Variants in PDE1C observed in about 807,000 individuals in gnomAD.
PDE1C encodes the protein phosphodiesterase 1C, also known as dual specificity calcium/calmodulin-dependent 3',5'-cyclic nucleotide phosphodiesterase 1C.
In PDE1C, 62 loss-of-function variants were observed where a neutral mutation model predicts 93.1. The observed-to-expected ratio is 0.67, with a 90% CI of 0.54 to 0.82. PDE1C has a LOEUF of 0.82. Ranked by LOEUF, PDE1C falls within the 40% of genes least tolerant of loss-of-function variation. The pLI is 0.00. For synonymous variants in PDE1C, 325 were observed against 310.1 expected, an observed-to-expected ratio of 1.05 and a Z score of -0.50; for missense variants, 742 against 884.6, an observed-to-expected ratio of 0.84 and a Z score of 2.04.
intron 17 of PDE1C, among the ~76,000 whole-genome samples, chr7:31,771,339 C>T (rs1795475239): frequency 6.6e-6 from 1 of 152,188 alleles, no homozygotes; most frequent in African/African-American, 2.4e-5. Context: ...TTCCTAGAAG[C>T]AATATACCAG....
chr7:32,069,465 T>C (rs1414772336), intron 1 of PDE1C, among the ~76,000 whole-genome samples: 1 of 152,082 alleles, frequency 6.6e-6, no homozygotes, highest in Non-Finnish European at 1.5e-5. Flanking sequence ...GAAGGTGTCT[T>C]TGGGACCTGC....
rs1223937478 is a variant in PDE1C at position 31,880,833 on chromosome 7, C to A, written c.156G>T (p.Glu52Asp). ...GATCTACCACTGAAGCTTCCCCTCT[C>A]TCTAATTGTTTGACCAAAGACCGTA... The part of the protein sequence containing the change: ...QRLRSLVKQL[E>D]RGEASVVDLK... Residue 52 changes from glutamate to aspartate, a missense_variant, in exon 3 of 18, where the codon GAG becomes GAT. Glu to Asp is a conservative substitution (Grantham distance 45, BLOSUM62 2). Coordinates refer to ENST00000396191, the MANE Select transcript of PDE1C (RefSeq NM_001191057.4). The A allele has an allele frequency of 6.2e-7, 1 of 1,610,654 alleles. No individual in the cohort carries two copies.
intron 3 of PDE1C, among the ~76,000 whole-genome samples, chr7:32,155,481 G>C (rs924015078): frequency 6.6e-6 from 1 of 152,190 alleles, no homozygotes; most frequent in Admixed American, 6.5e-5. Context: ...AAAGGAAAGA[G>C]AGAAACCACC....
At chr7:31,651,918 T>C in the PDE1C span, 1 of 1,542,068 alleles carries the variant, frequency 6.5e-7, no homozygotes, top group Non-Finnish European at 8.8e-7. Context: ...AATTTGGTTA[T>C]TTTCTATTAT....
chr7:32,240,765 G>A (rs1393837693), intron 1 of PDE1C, among the ~76,000 whole-genome samples: 1 of 152,186 alleles, frequency 6.6e-6, no homozygotes, highest in African/African-American at 2.4e-5. Flanking sequence ...TGTTTTTAAA[G>A]GGTCATTCTG....
intron 2 of PDE1C, among the ~76,000 whole-genome samples, chr7:31,922,372 C>T (rs1241079458): frequency 2.6e-5 from 4 of 152,176 alleles, no homozygotes; most frequent in African/African-American, 9.7e-5. Flanking sequence ...GTCTTTTCCC[C>T]ATCATTTGCA....
the PDE1C span, among the ~76,000 whole-genome samples, chr7:31,681,395 G>GT: frequency 1.3e-5 from 2 of 150,048 alleles, no homozygotes; most frequent in Non-Finnish European, 3.0e-5. Context: ...ATGGATGGAT[G>GT]GATGGATGGA....
the PDE1C span, among the ~76,000 whole-genome samples, chr7:31,665,081 C>A: frequency 6.6e-6 from 1 of 152,170 alleles, no homozygotes; most frequent in Non-Finnish European, 1.5e-5. Context: ...CTTCCTCCTT[C>A]CTCTCTCACT....
At chr7:32,218,145 C>G (rs73304690) in intron 1 of PDE1C, among the ~76,000 whole-genome samples, 2 of 152,162 alleles carry the variant, frequency 1.3e-5, no homozygotes, top group Non-Finnish European at 2.9e-5. Flanking sequence ...CTGCTCCTTA[C>G]GGGAACAGAT....
At chr7:31,663,546 T>C in the PDE1C span, among the ~76,000 whole-genome samples, 1 of 152,238 alleles carries the variant, frequency 6.6e-6, no homozygotes, top group Non-Finnish European at 1.5e-5. Context: ...GCAGGAACTT[T>C]TTTCCATAGT....
intron 2 of PDE1C, among the ~76,000 whole-genome samples, chr7:31,894,797 T>A (rs1239995056): frequency 6.6e-6 from 1 of 152,020 alleles, no homozygotes; most frequent in Non-Finnish European, 1.5e-5. Context: ...ATTTCCCCCA[T>A]ACCCCCTGCC....
chr7:31,957,125 AC>A (rs1808255461), intron 2 of PDE1C, among the ~76,000 whole-genome samples: 1 of 151,096 alleles, frequency 6.6e-6, no homozygotes, highest in African/African-American at 2.4e-5. Context: ...TGGTATTCAA[AC>A]AGAAATTTAA....
chr7:32,285,530 G>A (rs2128894479), intron 1 of PDE1C, among the ~76,000 whole-genome samples: 1 of 152,120 alleles, frequency 6.6e-6, no homozygotes, highest in Admixed American at 6.5e-5. Flanking sequence ...ATAGAATGAA[G>A]TACTTATACA....
At chr7:32,017,915 CA>C (rs56955008) in intron 2 of PDE1C, among the ~76,000 whole-genome samples, 103,261 of 151,310 alleles carry the variant, frequency 0.68, 35,654 homozygotes, top group Middle Eastern at 0.77. Context: ...CCTGTCTCTA[CA>C]AAAAATAAGA....
intron 17 of PDE1C, among the ~76,000 whole-genome samples, chr7:31,774,908 A>G (rs1795728373): frequency 6.6e-6 from 1 of 152,160 alleles, no homozygotes; most frequent in Non-Finnish European, 1.5e-5. Flanking sequence ...ATTTTCTTCA[A>G]TGACGGTATT....
chr7:31,706,130 G>A, the PDE1C span, among the ~76,000 whole-genome samples: 2 of 148,436 alleles, frequency 1.3e-5, no homozygotes, highest in Non-Finnish European at 3.0e-5. Context: ...TCAGCCTCCC[G>A]AGTAGTCAGG....
rs1218089946 is a variant in PDE1C at position 31,950,375 on chromosome 7, C to T, written c.129-69515G>A. Among the ~76,000 whole-genome samples, 7 of 152,166 alleles carry T rather than the reference C, an allele frequency of 4.6e-5. No homozygotes were observed. In the East Asian group the frequency reaches 1.2e-3, roughly 25 times the overall value. On this transcript the variant is annotated intron_variant, in intron 2 of 17. Coordinates refer to ENST00000396191, the MANE Select transcript of PDE1C (RefSeq NM_001191057.4). ...CTCTTACAGCCCACCCCAATATCAA[C>T]CAAATGAGCACACCTCCAAAGACCA...
Position 31,830,267 on chromosome 7 carries a change from A to T in PDE1C, c.1204-1894T>A, listed in dbSNP as rs187060572. Among the ~76,000 whole-genome samples the T allele has an allele frequency of 3.9e-5, 6 of 152,198 alleles. No homozygotes were observed. The East Asian group carries it at 9.7e-4, about 25-fold the overall frequency. ...TACTCATGAGTCCAACTTGAGTGAT[A>T]ACACAATACTGTATGACTCTACAGC... On this transcript the variant is annotated intron_variant, in intron 11 of 17. Coordinates refer to ENST00000396191, the MANE Select transcript of PDE1C (RefSeq NM_001191057.4).
In PDE1C at chr7:31,912,084, C is replaced by G. The variant is rs370690126; in HGVS notation, c.129-31224G>C. On this transcript the variant is annotated intron_variant, in intron 2 of 17. Transcript: ENST00000396191. ...ATTGGTTCGAGGGCAAAAAGGGTTA[C>G]TCTACAGAGGCAGAAGTGATGTTAA... Among the ~76,000 whole-genome samples the G allele has an allele frequency of 1.3e-4, 20 of 152,220 alleles. No individual in the cohort carries two copies. The East Asian group carries it at 3.9e-3, about 29-fold the overall frequency.
Sources: gnomAD v4.1 joint callset for allele counts (sites outside exome capture counted in the v4.1 genomes callset) on GRCh38, gnomAD v4.1.1 for gene constraint, MANE v1.5 for transcripts, NCBI Gene and HGNC (gene_info 2026-07-23, HGNC 2026-07-21) for gene names.